Variants in NOMO1 observed in about 807,000 individuals in gnomAD.
NOMO1 encodes NODAL modulator 1.
Under a neutral mutation model 133.8 loss-of-function variants are expected in NOMO1, and 40 were observed. That is an observed-to-expected ratio of 0.30 (90% CI 0.23 to 0.39). NOMO1 has a LOEUF of 0.39. Among genes scored for constraint, NOMO1 ranks in the 10% least tolerant of loss-of-function variants. The pLI is 1.00. For missense variants in NOMO1, 462 were observed against 1,419.9 expected (o/e 0.33, Z 10.84); for synonymous variants, 236 against 570.5 (o/e 0.41, Z 8.36).
At position 14,873,809 on chromosome 16, in the gene NOMO1, T is replaced by G. The variant is rs116340011; in HGVS notation, c.2055-1227T>G. 3.2e-3 allele frequency among the ~76,000 whole-genome samples: 482 copies of G among 151,788 alleles called. 8 individuals carry two copies. The highest frequency in any genetic ancestry group is 0.01 in the Middle Eastern group (3 of 294). Reference sequence around the variant, plus strand: ...CGGATTCCCCCTGGGGATCTTGTACTCAGCAGACCCAAAACCCGACTGCTG... The same window carrying G: ...CGGATTCCCCCTGGGGATCTTGTACGCAGCAGACCCAAAACCCGACTGCTG... On this transcript the variant is annotated intron_variant, in intron 18 of 30. Transcript: ENST00000287667.
At chr16:14,862,005 G>A (rs1963928474) in intron 11 of NOMO1, among the ~76,000 whole-genome samples, 1 of 151,084 alleles carries the variant, frequency 6.6e-6, no homozygotes. Flanking sequence ...AAATGGCTGT[G>A]TTTTTCATGA....
intron 18 of NOMO1, among the ~76,000 whole-genome samples, chr16:14,873,724 G>A (rs2151005422): frequency 6.6e-6 from 1 of 151,900 alleles, no homozygotes; most frequent in African/African-American, 2.4e-5. Flanking sequence ...AAGGGTGTTT[G>A]TGTTGCTTGC....
At chr16:14,890,470 C>T (rs382383) in intron 29 of NOMO1, among the ~76,000 whole-genome samples, 25,482 of 145,922 alleles carry the variant, frequency 0.17, 2 homozygotes, top group Non-Finnish European at 0.2. Flanking sequence ...GAACAATATC[C>T]TCCGATCCTC....
rs541922661 is a variant in NOMO1, at chr16:14,887,474, T to G, written c.3324+612T>G. Among the ~76,000 whole-genome samples the G allele has an allele frequency of 9.2e-5, 14 of 151,604 alleles. No individual in the cohort carries two copies. In the East Asian group the frequency reaches 1.4e-3, roughly 15 times the overall value. ...ACACCCGGCTAATTCTTTTTTTTTT[T>G]TATTTTTAGTAGAGACGGGGTTTCA... On this transcript the variant is annotated intron_variant, in intron 28 of 30. Transcript: ENST00000287667.
intron 20 of NOMO1, among the ~76,000 whole-genome samples, 180 bp downstream of exon 20, chr16:14,875,602 T>TTGGATGGATGGA (rs1166983816): frequency 4.7e-5 from 7 of 149,240 alleles, no homozygotes; most frequent in Admixed American, 1.3e-4. Context: ...GATGGTTGGG[T>TTGGATGGATGGA]TGGATGGATG....
rs1407796175 is a variant in NOMO1 at position 14,875,233 on chromosome 16, A to G, written c.2252A>G (p.Tyr751Cys). The G allele has an allele frequency of 1.2e-6, 2 of 1,612,140 alleles. No homozygotes were observed. The highest frequency in any genetic ancestry group is 3.3e-5 in the Admixed American group (2 of 59,954). The change falls in exon 19 of 31, where the codon TAT (tyrosine) becomes TGT (cysteine). Residue 751 changes from tyrosine to cysteine, a missense_variant. Tyr to Cys is a radical substitution (Grantham distance 194). Transcript: ENST00000287667. ...MVDELQGPFS[Y>C]DFSYWARSGE... is the part of the protein sequence containing the mutation. ...GATGAGTTACAAGGCCCCTTCTCGT[A>G]TGATTTCTCTTACTGGGCGCGGTAA... is the stretch of plus-strand genomic sequence containing the variant.
intron 11 of NOMO1, among the ~76,000 whole-genome samples, chr16:14,858,967 G>T (rs1053628662): frequency 4.8e-4 from 73 of 151,820 alleles, no homozygotes; most frequent in African/African-American, 1.0e-3. Context: ...GGTGATGAGG[G>T]TTCAGATTTG....
chr16:14,870,653 C>T (rs563399258), intron 16 of NOMO1, among the ~76,000 whole-genome samples: 3 of 148,668 alleles, frequency 2.0e-5, no homozygotes, highest in African/African-American at 7.4e-5. Context: ...TTCAGTATTG[C>T]TTCCCTGGGG....
chr16:14,843,271 A>T (rs560585237), intron 3 of NOMO1, among the ~76,000 whole-genome samples: 110 of 142,120 alleles, frequency 7.7e-4, no homozygotes, highest in Admixed American at 1.5e-3. Flanking sequence ...TCTACTGTTG[A>T]TGGCCATTTG....
intron 10 of NOMO1, 21 bp downstream of exon 10, chr16:14,857,343 C>T: frequency 1.3e-6 from 2 of 1,522,032 alleles, no homozygotes; most frequent in Non-Finnish European, 1.8e-6. Context: ...ACAGCAGCCC[C>T]AGGCTGATGG....
Position 14,882,635 on chromosome 16 carries a change from C to T in NOMO1, c.3069C>T (p.Asn1023=), listed in dbSNP as rs200815686. The T allele has an allele frequency of 9.1e-5, 147 of 1,611,604 alleles. No homozygotes were observed. The highest frequency in any genetic ancestry group is 1.7e-4 in the African/African-American group (13 of 74,776). Residue 1023 remains asparagine (N), a synonymous_variant, in exon 26 of 31, where the codon AAC becomes AAT. Transcript: ENST00000287667. ...VYHVQLKAEG[N]DHIERALPHH... ...ACGTTCAGCTCAAGGCAGAAGGCAACGACCACATTGAGCGGGCGCTCCCCC... is the reference window on the plus strand; with the variant it reads ...ACGTTCAGCTCAAGGCAGAAGGCAATGACCACATTGAGCGGGCGCTCCCCC...
intron 9 of NOMO1, among the ~76,000 whole-genome samples, 153 bp from the exon 10 acceptor site, chr16:14,857,064 G>C (rs1220489682): frequency 6.6e-6 from 1 of 152,070 alleles, no homozygotes; most frequent in Non-Finnish European, 1.5e-5. Flanking sequence ...GTGAGAGGGA[G>C]CCTGGCTGGC....
At chr16:14,835,986 A>G (rs998884281) in intron 1 of NOMO1, among the ~76,000 whole-genome samples, 1 of 151,926 alleles carries the variant, frequency 6.6e-6, no homozygotes, top group Non-Finnish European at 1.5e-5. Context: ...TTTGTTCTCT[A>G]ACAGGGACCT....
At chr16:14,879,911 A>G (rs1337987034) in intron 23 of NOMO1, 104 bp from the exon 24 acceptor site, 6 of 1,602,788 alleles carry the variant, frequency 3.7e-6, no homozygotes, top group East Asian at 2.2e-5. Context: ...CAGGGAAGCC[A>G]TGGCGCTCCC....
intron 21 of NOMO1, 41 bp downstream of exon 21, chr16:14,876,559 G>T (rs777989706): frequency 6.8e-6 from 11 of 1,611,430 alleles, no homozygotes; most frequent in Non-Finnish European, 9.3e-6. Flanking sequence ...GGATCAGCGT[G>T]GGAGTCCTCT....
intron 11 of NOMO1, 108 bp from the exon 12 acceptor site, chr16:14,862,905 A>C (rs1259533404): frequency 6.9e-7 from 1 of 1,439,812 alleles, no homozygotes; most frequent in Non-Finnish European, 9.6e-7. Context: ...AGATTAGACT[A>C]TTCTCAGGAA....
intron 15 of NOMO1, among the ~76,000 whole-genome samples, chr16:14,867,321 G>C (rs1367487081): frequency 7.1e-4 from 69 of 97,068 alleles, no homozygotes; most frequent in African/African-American, 2.2e-3. Context: ...CCGAGTAGCT[G>C]GGACTAGAGG....
intron 11 of NOMO1, among the ~76,000 whole-genome samples, chr16:14,859,589 C>T (rs1315229566): frequency 5.3e-5 from 8 of 151,890 alleles, no homozygotes; most frequent in East Asian, 3.9e-4. Flanking sequence ...CAGAGGTGGG[C>T]GGATCGATTG....
intron 28 of NOMO1, chr16:14,888,613 G>T (rs1284719069): frequency 3.8e-6 from 1 of 262,358 alleles, no homozygotes; most frequent in African/African-American, 2.3e-5. Context: ...GCTGGTCGGT[G>T]CTCAGCACAC....
Sources: gnomAD v4.1 joint callset for allele counts (sites outside exome capture counted in the v4.1 genomes callset) on GRCh38, gnomAD v4.1.1 for gene constraint, MANE v1.5 for transcripts, NCBI Gene and HGNC (gene_info 2026-07-23, HGNC 2026-07-21) for gene names.